NFIA: variants seen among roughly 807,000 people sequenced by gnomAD.
The protein encoded by NFIA is nuclear factor I A.
Under a neutral mutation model 62.8 loss-of-function variants are expected in NFIA, and 8 were observed. The ratio of observed to expected loss-of-function variants is 0.13; its 90% CI spans 0.07 to 0.23. NFIA has a LOEUF of 0.23. Ranked by LOEUF, NFIA falls within the 10% of genes least tolerant of loss-of-function variation. NFIA has a pLI of 1.00. For synonymous variants in NFIA, 235 were observed against 238.1 expected (o/e 0.99, Z 0.12); for missense variants, 410 against 642.1 (o/e 0.64, Z 3.91).
chr1:61,318,844 G>T (rs139123763), intron 3 of NFIA, among the ~76,000 whole-genome samples: 3 of 152,236 alleles, frequency 2.0e-5, no homozygotes, highest in African/African-American at 7.2e-5. Flanking sequence ...ATAGAGGAAA[G>T]GCCACCTTCT....
intron 4 of NFIA, among the ~76,000 whole-genome samples, chr1:61,334,173 A>G (rs1267789632): frequency 6.6e-6 from 1 of 152,168 alleles, no homozygotes; most frequent in East Asian, 1.9e-4. Context: ...TGTGGGAGTC[A>G]AGGACTCCCA....
intron 9 of NFIA, among the ~76,000 whole-genome samples, chr1:61,414,851 A>T (rs1666282303): frequency 6.6e-6 from 1 of 152,158 alleles, no homozygotes; most frequent in Non-Finnish European, 1.5e-5. Context: ...ACATTCAATA[A>T]AATTCACTCT....
intron 4 of NFIA, among the ~76,000 whole-genome samples, chr1:61,345,445 TG>T (rs1404801028): frequency 3.3e-5 from 5 of 152,204 alleles, no homozygotes; most frequent in African/African-American, 7.2e-5. Flanking sequence ...CTTCATGACC[TG>T]GGAGAGTTAT....
chr1:61,418,511 T>C (rs913046115), intron 9 of NFIA, among the ~76,000 whole-genome samples: 2 of 152,140 alleles, frequency 1.3e-5, no homozygotes, highest in African/African-American at 4.8e-5. Flanking sequence ...ACAATCACTC[T>C]CTGTGCATAT....
chr1:61,283,595 A>AAAAAAAAG (rs1557681417), intron 3 of NFIA, among the ~76,000 whole-genome samples: 6 of 87,170 alleles, frequency 6.9e-5, no homozygotes, highest in Admixed American at 4.4e-4. Context: ...AAAAAAAAAA[A>AAAAAAAAG]AAAAAAAAAA....
At chr1:61,309,878 A>G (rs571755040) in intron 3 of NFIA, among the ~76,000 whole-genome samples, 1 of 152,222 alleles carries the variant, frequency 6.6e-6, no homozygotes, top group Non-Finnish European at 1.5e-5. Context: ...GACAGAGTGA[A>G]ACGCCGTCTC....
chr1:61,198,118 A>G (rs1431211080), intron 2 of NFIA, among the ~76,000 whole-genome samples: 2 of 152,216 alleles, frequency 1.3e-5, no homozygotes, highest in East Asian at 3.8e-4. Flanking sequence ...AAGGCAATTC[A>G]TTAACCCATT....
chr1:61,241,663 C>G (rs971485754), intron 2 of NFIA, among the ~76,000 whole-genome samples: 3 of 151,778 alleles, frequency 2.0e-5, no homozygotes, highest in South Asian at 4.2e-4. Flanking sequence ...CCCCTCCCCC[C>G]ACACAACTAC....
At chr1:61,291,179 G>A (rs75627580) in intron 3 of NFIA, among the ~76,000 whole-genome samples, 11,587 of 152,224 alleles carry the variant, frequency 0.076, 1,487 homozygotes, top group African/African-American at 0.27. Flanking sequence ...AGTCAAGACT[G>A]GTTGTTGCAG....
intron 2 of NFIA, among the ~76,000 whole-genome samples, chr1:61,094,595 T>C (rs1646379529): frequency 2.6e-5 from 4 of 152,212 alleles, no homozygotes; most frequent in African/African-American, 7.2e-5. Flanking sequence ...GTTTATTCTT[T>C]TTACTATTTT....
chr1:61,125,927 G>A (rs1290071946), intron 2 of NFIA, among the ~76,000 whole-genome samples: 1 of 152,122 alleles, frequency 6.6e-6, no homozygotes, highest in Non-Finnish European at 1.5e-5. Flanking sequence ...CCAGAGAAAA[G>A]TGAGGAAGGT....
At chr1:61,327,418 G>GC (rs1159122009) in intron 3 of NFIA, among the ~76,000 whole-genome samples, 1 of 151,342 alleles carries the variant, frequency 6.6e-6, no homozygotes, top group Non-Finnish European at 1.5e-5. Flanking sequence ...CTACACAGCC[G>GC]CCCCCTCCTG....
At chr1:61,213,883 T>G (rs544522846) in intron 2 of NFIA, among the ~76,000 whole-genome samples, 3 of 152,264 alleles carry the variant, frequency 2.0e-5, no homozygotes, top group African/African-American at 7.2e-5. Flanking sequence ...GTCAGACAGT[T>G]TAAGTCCTGC....
At chr1:61,263,238 A>G (rs1656881893) in intron 2 of NFIA, among the ~76,000 whole-genome samples, 1 of 152,236 alleles carries the variant, frequency 6.6e-6, no homozygotes, top group East Asian at 1.9e-4. Flanking sequence ...AACCAAACTG[A>G]TTGAATCACT....
intron 10 of NFIA, among the ~76,000 whole-genome samples, chr1:61,440,606 G>A (rs7529117): frequency 0.038 from 5,817 of 151,486 alleles, 370 homozygotes; most frequent in African/African-American, 0.13. Context: ...AAAAGAACAC[G>A]TATTTCTCTT....
rs1177463641 is a variant in NFIA at position 61,432,069 on chromosome 1, A to G, written c.1512+5513A>G. Among the ~76,000 whole-genome samples the G allele has an allele frequency of 2.0e-5, 3 of 152,216 alleles. No homozygotes were observed. The East Asian group carries it at 5.8e-4, about 29-fold the overall frequency. Reference sequence around the variant, plus strand: ...ATCAAAACAGTGTAATCGCAGTACTATAAAGATTTGTCTAAGAGGCTTTAA... The same window carrying G: ...ATCAAAACAGTGTAATCGCAGTACTGTAAAGATTTGTCTAAGAGGCTTTAA... On this transcript the variant is annotated intron_variant, in intron 10 of 10. Coordinates refer to ENST00000403491, the MANE Select transcript of NFIA (RefSeq NM_001134673.4).
At chr1:61,138,416 T>A (rs898497858) in intron 2 of NFIA, among the ~76,000 whole-genome samples, 1 of 152,154 alleles carries the variant, frequency 6.6e-6, no homozygotes, top group Admixed American at 6.5e-5. Context: ...CAAAATACAG[T>A]GGTTTTACCC....
chr1:61,406,543 G>GTCCCC lies in NFIA; in HGVS notation c.1255-19_1255-18insTCCCC, dbSNP rs1665830643. 2 of 877,360 alleles carry GTCCCC rather than the reference G, an allele frequency of 2.3e-6. No homozygotes were observed. Among genetic ancestry groups the GTCCCC allele is most frequent in the South Asian group, 2.0e-5 (1 of 49,228 alleles). 54.3% of individuals were successfully genotyped at this position (877,360 alleles called of 1,614,324 possible). A position where few individuals can be genotyped will look rare whatever the true frequency, so the allele number is the denominator to read the frequency against. On this transcript the variant is annotated intron_variant, in intron 8 of 10. Coordinates refer to ENST00000403491, the MANE Select transcript of NFIA (RefSeq NM_001134673.4). ...TCTTTTTCTTGTACGTGTGTTTTCT[G>GTCCCC]CCCCCCCCCCCCCCACAGCCCAATG...
At chr1:61,279,934 A>T (rs772627049) in intron 3 of NFIA, among the ~76,000 whole-genome samples, 1 of 152,222 alleles carries the variant, frequency 6.6e-6, no homozygotes, top group Non-Finnish European at 1.5e-5. Context: ...GATTTACACT[A>T]TCATTTTGGG....
Sources: gnomAD v4.1 joint callset for allele counts (sites outside exome capture counted in the v4.1 genomes callset) on GRCh38, gnomAD v4.1.1 for gene constraint, MANE v1.5 for transcripts, NCBI Gene and HGNC (gene_info 2026-07-23, HGNC 2026-07-21) for gene names.